The following PDE4D variants were observed in gnomAD, a reference collection of about 807,000 sequenced individuals.
PDE4D encodes 3',5'-cyclic-AMP phosphodiesterase 4D.
PDE4D carries 24 observed loss-of-function variants against 87.4 expected under a neutral mutation model. The observed-to-expected ratio is 0.27, with a 90% CI of 0.20 to 0.39. The LOEUF is 0.39. Among genes scored for constraint, PDE4D ranks in the 10% least tolerant of loss-of-function variants. The pLI, the probability that PDE4D is intolerant of heterozygous loss-of-function variation, is 1.00. For synonymous variants in PDE4D, 384 were observed against 383.2 expected, an observed-to-expected ratio of 1.00 and a Z score of -0.02; for missense variants, 714 against 1,041.0, an observed-to-expected ratio of 0.69 and a Z score of 4.32.
intron 1 of PDE4D, among the ~76,000 whole-genome samples, chr5:59,737,979 CT>C (rs1381664919): frequency 6.6e-6 from 1 of 152,066 alleles, no homozygotes; most frequent in African/African-American, 2.4e-5. Context: ...ATGCAGAGCC[CT>C]ATTTTTCTAT....
At chr5:59,456,114 T>G (rs1799889479) in intron 1 of PDE4D, among the ~76,000 whole-genome samples, 1 of 152,148 alleles carries the variant, frequency 6.6e-6, no homozygotes, top group African/African-American at 2.4e-5. Flanking sequence ...TGGGGAGGCA[T>G]GATTGGTTTT....
chr5:60,318,680 G>T (rs571285716), intron 1 of PDE4D, among the ~76,000 whole-genome samples: 1 of 152,104 alleles, frequency 6.6e-6, no homozygotes, highest in East Asian at 1.9e-4. Context: ...GGCAGCCCTG[G>T]TGGTGACAAA....
intron 5 of PDE4D, among the ~76,000 whole-genome samples, chr5:59,128,760 G>C (rs1474288451): frequency 6.6e-6 from 1 of 152,176 alleles, no homozygotes; most frequent in Non-Finnish European, 1.5e-5. Flanking sequence ...AGCTTATTAG[G>C]AGATTAGGAG....
At chr5:60,129,203 G>A (rs1010453575) in intron 2 of PDE4D, among the ~76,000 whole-genome samples, 3 of 152,182 alleles carry the variant, frequency 2.0e-5, no homozygotes, top group Admixed American at 6.6e-5. Flanking sequence ...CAACATGCAA[G>A]TGCTCATATG....
In PDE4D at chr5:59,649,904, CCT is replaced by C. The variant is rs1491278665; in HGVS notation, c.455+243262_455+243263del. On this transcript the variant is annotated intron_variant, in intron 1 of 14. Transcript: ENST00000340635. ...TGTTAAAATGTTGATAGTTTGTGAACCTTTTTTTTTTTTTTTTTTTTTTTTTT... is the reference window on the plus strand; with the variant it reads ...TGTTAAAATGTTGATAGTTTGTGAACTTTTTTTTTTTTTTTTTTTTTTTTT... Among the ~76,000 whole-genome samples, 286 of 73,966 alleles carry C rather than the reference CCT, an allele frequency of 3.9e-3. 77 individuals are homozygous for C. Among genetic ancestry groups the C allele is most frequent in the South Asian group, 0.01 (18 of 1,726 alleles). The allele number at this position is 73,966 out of a possible 152,430, so 48.5% of individuals were successfully genotyped here.
intron 10 of PDE4D, 39 bp downstream of exon 10, chr5:58,989,715 TG>T: frequency 1.4e-6 from 2 of 1,382,544 alleles, no homozygotes; most frequent in South Asian, 1.3e-5. Flanking sequence ...CCTTTATGAG[TG>T]GCAAGTTAGT....
At chr5:60,180,565 A>C (rs1206807604) in intron 2 of PDE4D, among the ~76,000 whole-genome samples, 3 of 152,262 alleles carry the variant, frequency 2.0e-5, no homozygotes, top group Admixed American at 1.3e-4. Flanking sequence ...AAATTGTAAA[A>C]ATTATAAATT....
At chr5:59,671,618 G>A (rs1747218238) in intron 1 of PDE4D, among the ~76,000 whole-genome samples, 1 of 151,894 alleles carries the variant, frequency 6.6e-6, no homozygotes, top group African/African-American at 2.4e-5. Flanking sequence ...GACCAGCCTG[G>A]GTAACATGTC....
At chr5:60,342,175 A>G (rs1758371448) in intron 1 of PDE4D, among the ~76,000 whole-genome samples, 1 of 152,148 alleles carries the variant, frequency 6.6e-6, no homozygotes, top group Admixed American at 6.6e-5. Flanking sequence ...TTATAATCAA[A>G]AGGCTCATTT....
At chr5:59,887,954 G>A (rs76133133) in intron 1 of PDE4D, among the ~76,000 whole-genome samples, 1 of 152,290 alleles carries the variant, frequency 6.6e-6, no homozygotes, top group East Asian at 1.9e-4. Flanking sequence ...TAAAGTAATT[G>A]TCAGCAGATA....
intron 5 of PDE4D, among the ~76,000 whole-genome samples, chr5:59,150,006 A>T (rs1779251938): frequency 6.6e-6 from 1 of 152,138 alleles, no homozygotes; most frequent in Admixed American, 6.6e-5. Context: ...AATATTTTGG[A>T]AATGGAGCAG....
chr5:60,092,452 CACAA>C (rs1027380855), intron 2 of PDE4D, among the ~76,000 whole-genome samples: 5 of 152,060 alleles, frequency 3.3e-5, no homozygotes, highest in Admixed American at 1.3e-4. Flanking sequence ...ATGTTCCCAG[CACAA>C]ACAAAGGATA....
intron 2 of PDE4D, among the ~76,000 whole-genome samples, chr5:60,125,749 C>T (rs1779075659): frequency 6.6e-6 from 1 of 152,140 alleles, no homozygotes; most frequent in African/African-American, 2.4e-5. Flanking sequence ...TTCTGGTACA[C>T]AATTGGAATC....
At chr5:60,180,614 G>T (rs1309629856) in intron 2 of PDE4D, among the ~76,000 whole-genome samples, 1 of 152,136 alleles carries the variant, frequency 6.6e-6, no homozygotes, top group Non-Finnish European at 1.5e-5. Context: ...GAGAGAACAT[G>T]TATCTTACAT....
chr5:59,218,471 ATTTTTAAATCTT>A (rs1751750759), intron 1 of PDE4D, among the ~76,000 whole-genome samples: 9 of 152,270 alleles, frequency 5.9e-5, no homozygotes, highest in African/African-American at 1.9e-4. Context: ...TAGTTATGAT[ATTTTTAAATCTT>A]ACAACTTTTA....
intron 1 of PDE4D, among the ~76,000 whole-genome samples, chr5:59,669,280 A>G (rs1246098220): frequency 1.3e-5 from 2 of 152,018 alleles, no homozygotes; most frequent in East Asian, 3.9e-4. Context: ...CACCCGGCTA[A>G]TTTTGTATTT....
In PDE4D at chr5:59,893,643, C is replaced by T. The variant is rs1032750618; in HGVS notation, c.-21G>A. The T allele has an allele frequency of 1.1e-5, 16 of 1,467,922 alleles. No individual in the cohort carries two copies. The African/African-American group carries it at 2.1e-4, about 19-fold the overall frequency. 90.9% of individuals were successfully genotyped at this position (1,467,922 alleles called of 1,614,324 possible). ...TCCATCCTGGCTCGCGGCTCCGCGA[C>T]CTGCTGCCCAGCCCGGGTTCACCGC... is the stretch of plus-strand genomic sequence containing the variant. On this transcript the variant is annotated 5_prime_UTR_variant, in exon 1 of 15. Transcript: ENST00000340635.
chr5:59,275,994 C>T (rs1581721257), intron 1 of PDE4D: 2 of 985,178 alleles, frequency 2.0e-6, no homozygotes, highest in African/African-American at 1.7e-5. Context: ...TTCTGTGTGT[C>T]CCTGCTTAGA....
chr5:60,259,611 T>A (rs989316520), intron 1 of PDE4D, among the ~76,000 whole-genome samples: 5 of 152,056 alleles, frequency 3.3e-5, no homozygotes, highest in Admixed American at 2.6e-4. Context: ...TTTCCACTCA[T>A]TTCAAAAATT....
Sources: gnomAD v4.1 joint callset for allele counts (sites outside exome capture counted in the v4.1 genomes callset) on GRCh38, gnomAD v4.1.1 for gene constraint, MANE v1.5 for transcripts, NCBI Gene and HGNC (gene_info 2026-07-23, HGNC 2026-07-21) for gene names.